Variants in PHACTR3 observed in about 807,000 individuals in gnomAD.
The protein encoded by PHACTR3 is phosphatase and actin regulator 3.
In PHACTR3, 16 loss-of-function variants were observed where a neutral mutation model predicts 66.8. The observed-to-expected ratio is 0.24, with a 90% CI of 0.16 to 0.36. PHACTR3 has a LOEUF of 0.36. PHACTR3 is among the 10% of genes least tolerant of loss of function. PHACTR3 has a pLI of 1.00. For missense variants in PHACTR3, 647 were observed against 719.9 expected (o/e 0.90, Z 1.16); for synonymous variants, 323 against 292.1 (o/e 1.11, Z -1.08).
intron 1 of PHACTR3, among the ~76,000 whole-genome samples, chr20:59,655,845 T>C (rs906825484): frequency 5.3e-5 from 8 of 152,036 alleles, no homozygotes; most frequent in South Asian, 2.1e-4. Context: ...CATTGTTTCT[T>C]CATTTTCATT....
chr20:59,722,825 G>A (rs6070927), intron 1 of PHACTR3, among the ~76,000 whole-genome samples: 2 of 152,058 alleles, frequency 1.3e-5, no homozygotes, highest in East Asian at 1.9e-4. Context: ...CTCTGCTCAC[G>A]GTGGGGGCAT....
intron 4 of PHACTR3, among the ~76,000 whole-genome samples, chr20:59,756,138 G>C (rs181150949): frequency 1.3e-5 from 2 of 152,216 alleles, no homozygotes; most frequent in African/African-American, 4.8e-5. Flanking sequence ...AAGGATAGAG[G>C]GGAGGAAAGC....
At position 59,650,292 on chromosome 20, in the gene PHACTR3, G is replaced by T. The variant is rs553315541; in HGVS notation, c.118+45160G>T. Among the ~76,000 whole-genome samples, 39 of 151,974 alleles carry T rather than the reference G, an allele frequency of 2.6e-4. 1 individual carries two copies. In the South Asian group the frequency reaches 8.2e-3, roughly 32 times the overall value. ...GCATATACCTATGATTCATGTAAAGGGTTGCAGATACAAAGATTCTAAGTT... is the reference window on the plus strand; with the variant it reads ...GCATATACCTATGATTCATGTAAAGTGTTGCAGATACAAAGATTCTAAGTT... On this transcript the variant is annotated intron_variant, in intron 1 of 12. Transcript: ENST00000371015.
At chr20:59,704,755 A>G (rs2037637599) in intron 1 of PHACTR3, among the ~76,000 whole-genome samples, 2 of 149,956 alleles carry the variant, frequency 1.3e-5, no homozygotes, top group South Asian at 2.1e-4. Context: ...CACCTCCTTT[A>G]TTATATTTTT....
rs1271374171 is a variant in PHACTR3 at position 59,723,068 on chromosome 20, TTCTTTC to T, written c.119-20037_119-20032del. Among the ~76,000 whole-genome samples the T allele has an allele frequency of 1.3e-4, 11 of 87,430 alleles. No individual in the cohort carries two copies. In the Admixed American group the frequency reaches 1.4e-3, roughly 11 times the overall value. 57.4% of individuals were successfully genotyped at this position (87,430 alleles called of 152,430 possible). A position where few individuals can be genotyped will look rare whatever the true frequency, so the allele number is the denominator to read the frequency against. ...TTTTTCTTTCTTTCTTTCTCTTTCT[TTCTTTC>T]TTTCTTTCTTTCTTTCTTTCTTTCT... is the stretch of plus-strand genomic sequence containing the variant. On this transcript the variant is annotated intron_variant, in intron 1 of 12. Coordinates refer to ENST00000371015, the MANE Select transcript of PHACTR3 (RefSeq NM_080672.5).
At chr20:59,838,595 G>T (rs1247639998) in intron 9 of PHACTR3, among the ~76,000 whole-genome samples, 2 of 152,126 alleles carry the variant, frequency 1.3e-5, no homozygotes, top group Non-Finnish European at 2.9e-5. Context: ...TGTGAGGTTT[G>T]CACTTTTTAA....
chr20:59,727,709 A>T (rs568316757), intron 1 of PHACTR3, among the ~76,000 whole-genome samples: 2 of 152,304 alleles, frequency 1.3e-5, no homozygotes, highest in South Asian at 4.2e-4. Flanking sequence ...TTTAAGTCTG[A>T]AATGCTCTGA....
chr20:59,624,542 G>C (rs2034374234), intron 1 of PHACTR3, among the ~76,000 whole-genome samples: 1 of 152,106 alleles, frequency 6.6e-6, no homozygotes, highest in South Asian at 2.1e-4. Context: ...CTCTGGCCTG[G>C]TCTCCCTCCC....
intron 7 of PHACTR3, among the ~76,000 whole-genome samples, chr20:59,790,856 C>G (rs912936810): frequency 6.6e-6 from 1 of 150,628 alleles, no homozygotes; most frequent in African/African-American, 2.4e-5. Context: ...TTCCTTAATA[C>G]TATTAGGCTT....
chr20:59,758,713 G>A (rs1012264165), intron 4 of PHACTR3, among the ~76,000 whole-genome samples: 2 of 152,184 alleles, frequency 1.3e-5, no homozygotes, highest in African/African-American at 4.8e-5. Context: ...CGAATAACTG[G>A]TCCAAATGAC....
intron 1 of PHACTR3, among the ~76,000 whole-genome samples, chr20:59,714,863 G>A (rs1468043716): frequency 2.6e-5 from 4 of 152,026 alleles, no homozygotes; most frequent in African/African-American, 7.2e-5. Context: ...TCTCAATAAT[G>A]TATTCTATGT....
chr20:59,747,389 G>A (rs760682786), intron 2 of PHACTR3, among the ~76,000 whole-genome samples: 43 of 152,344 alleles, frequency 2.8e-4, no homozygotes, highest in Admixed American at 5.2e-4. Context: ...GGGTGTTGGC[G>A]GCAGAGGGAG....
chr20:59,799,524 T>C (rs1483725043), intron 7 of PHACTR3, among the ~76,000 whole-genome samples: 2 of 152,168 alleles, frequency 1.3e-5, no homozygotes, highest in Admixed American at 6.5e-5. Context: ...CATTATAAGA[T>C]GACCCTTTTC....
intron 1 of PHACTR3, among the ~76,000 whole-genome samples, chr20:59,597,148 C>A (rs1215575179): frequency 6.6e-6 from 1 of 152,194 alleles, no homozygotes; most frequent in Non-Finnish European, 1.5e-5. Context: ...AATGTAGGAG[C>A]CCTTTTCTGT....
Position 59,767,235 on chromosome 20 carries a change from C to T in PHACTR3, c.591C>T (p.Leu197=). 6.2e-7 allele frequency: 1 copy of T among 1,614,270 alleles called. No homozygotes were observed. The change falls in exon 5 of 13, where the codon CTC becomes CTT. Residue 197 remains leucine, a synonymous_variant. Coordinates refer to ENST00000371015, the MANE Select transcript of PHACTR3 (RefSeq NM_080672.5). ...GTGAAGAAGCAGACGCTGGCAGCCT[C>T]CTGCCCACCACCAATGAGCTCTCCC... ...SSGEEADAGS[L]LPTTNELSQA...
chr20:59,767,353 C>A lies in PHACTR3; in HGVS notation c.709C>A (p.Pro237Thr). 1 of 1,614,098 alleles carries A rather than the reference C, an allele frequency of 6.2e-7. No homozygotes were observed. Among genetic ancestry groups the A allele is most frequent in the East Asian group, 2.2e-5 (1 of 44,880 alleles). Residue 237 changes from proline (P) to threonine (T), a missense_variant, in exon 5 of 13, where the codon CCG (proline) becomes ACG (threonine). Pro to Thr is a conservative substitution (Grantham distance 38, BLOSUM62 -1). Around this residue, in one of 2 missense-constraint regions of PHACTR3, gnomAD observed 577 missense variants for 571.1 expected, o/e 1.01. Coordinates refer to ENST00000371015, the MANE Select transcript of PHACTR3 (RefSeq NM_080672.5). ...CCCCAGCCCCCCACTGCTGCCCACT[C>A]CGCCACCCAAGGCAAGCTCCAAAAC... Reference protein sequence around the residue: ...QLPSPPLLPTPPPKASSKTTK... With the variant: ...QLPSPPLLPTTPPKASSKTTK...
chr20:59,654,118 A>G (rs906182000), intron 1 of PHACTR3, among the ~76,000 whole-genome samples: 1 of 152,234 alleles, frequency 6.6e-6, no homozygotes, highest in Non-Finnish European at 1.5e-5. Context: ...ATTGAAACAC[A>G]TCAGAATTAT....
chr20:59,678,883 A>C (rs730273), intron 1 of PHACTR3, among the ~76,000 whole-genome samples: 16,342 of 151,320 alleles, frequency 0.11, 1,694 homozygotes, highest in African/African-American at 0.27. Context: ...GGGAACCTGT[A>C]TCAGAAGCAC....
At chr20:59,773,617 A>C (rs1034669853) in intron 6 of PHACTR3, among the ~76,000 whole-genome samples, 164 bp downstream of exon 6, 3 of 152,250 alleles carry the variant, frequency 2.0e-5, no homozygotes, top group Non-Finnish European at 4.4e-5. Context: ...CTCGCTCTGC[A>C]GATTGCATAG....
Sources: allele counts gnomAD v4.1 joint callset (sites outside exome capture counted in the v4.1 genomes callset), GRCh38; gene constraint gnomAD v4.1.1; regional missense constraint gnomAD v4.1.1; transcripts MANE v1.5; gene names NCBI Gene and HGNC (gene_info 2026-07-23, HGNC 2026-07-21).